The following CBFB variants were observed in gnomAD, a reference collection of about 807,000 sequenced individuals.
CBFB encodes the protein CBF-beta.
A neutral mutation model predicts 30.4 loss-of-function variants in CBFB; 9 were observed. That is an observed-to-expected ratio of 0.30 (90% CI 0.18 to 0.52). The LOEUF (loss-of-function observed/expected upper bound fraction) is 0.52, where lower values mean the gene tolerates loss of function less well. Ranked by LOEUF, CBFB falls within the 20% of genes least tolerant of loss-of-function variation. The probability of loss-of-function intolerance (pLI) is 0.97; values close to 1 mark genes in which losing one functional copy is unlikely to be tolerated. For synonymous variants in CBFB, 94 were observed against 84.0 expected (o/e 1.12, Z -0.65); for missense variants, 170 against 244.0 (o/e 0.70, Z 2.02).
At chr16:67,029,879 G>T (rs1487037651) in intron 2 of CBFB, 66 bp downstream of exon 2, 3 of 1,103,116 alleles carry the variant, frequency 2.7e-6, no homozygotes, top group African/African-American at 1.7e-5. Flanking sequence ...GCCCAGGCCG[G>T]TTCCGGACGG....
intron 3 of CBFB, among the ~76,000 whole-genome samples, chr16:67,043,418 G>A (rs183476328): frequency 1.4e-3 from 206 of 152,194 alleles, no homozygotes; most frequent in Non-Finnish European, 2.4e-3. Flanking sequence ...TCAAATCAAG[G>A]GCTTCTATAA....
chr16:67,040,372 T>C (rs1966510057), intron 3 of CBFB, among the ~76,000 whole-genome samples: 1 of 152,248 alleles, frequency 6.6e-6, no homozygotes, highest in African/African-American at 2.4e-5. Context: ...TGAGGAACTA[T>C]AGTTGTAAAG....
At chr16:67,093,126 T>G (rs544216041) in intron 5 of CBFB, among the ~76,000 whole-genome samples, 102 of 152,154 alleles carry the variant, frequency 6.7e-4, no homozygotes, top group African/African-American at 2.3e-3. Flanking sequence ...TTAAAAATTT[T>G]TTGTAGGGGC....
chr16:67,056,851 T>C (rs1403739698), intron 3 of CBFB, among the ~76,000 whole-genome samples: 1 of 152,174 alleles, frequency 6.6e-6, no homozygotes, highest in Non-Finnish European at 1.5e-5. Context: ...CCAGCTAATT[T>C]TTGTATTTTT....
At chr16:67,089,526 A>G (rs746485676) in intron 5 of CBFB, among the ~76,000 whole-genome samples, 18 of 152,210 alleles carry the variant, frequency 1.2e-4, no homozygotes, top group Non-Finnish European at 2.2e-4. Context: ...AGACCTTGCT[A>G]TCTCTATTCT....
rs1453792154 is a variant in CBFB at position 67,055,183 on chromosome 16, A to G, written c.283-11499A>G. Among the ~76,000 whole-genome samples, 3 of 151,952 alleles carry G rather than the reference A, an allele frequency of 2.0e-5. No individual in the cohort carries two copies. In the East Asian group the frequency reaches 5.8e-4, roughly 29 times the overall value. ...AAAAATACAGTGAAACCAAATTAAA[A>G]TAATTATGTGGAGAGCATATTGGTG... On this transcript the variant is annotated intron_variant, in intron 3 of 5. Transcript: ENST00000412916.
At chr16:67,053,979 GA>G (rs1398987778) in intron 3 of CBFB, among the ~76,000 whole-genome samples, 1 of 151,868 alleles carries the variant, frequency 6.6e-6, no homozygotes. Flanking sequence ...CAGCAGTGGG[GA>G]AGGCTTATAT....
intron 3 of CBFB, among the ~76,000 whole-genome samples, chr16:67,040,767 C>G (rs1041798437): frequency 1.3e-5 from 2 of 152,222 alleles, no homozygotes; most frequent in South Asian, 4.1e-4. Flanking sequence ...TAAAGATGAT[C>G]AATGAACAGG....
intron 3 of CBFB, among the ~76,000 whole-genome samples, chr16:67,063,855 G>T (rs1318593936): frequency 6.6e-6 from 1 of 152,092 alleles, no homozygotes; most frequent in African/African-American, 2.4e-5. Flanking sequence ...AAGAATCCAA[G>T]AGTCTGAAGA....
At chr16:67,080,065 C>T (rs1961512398) in intron 4 of CBFB, among the ~76,000 whole-genome samples, 1 of 152,158 alleles carries the variant, frequency 6.6e-6, no homozygotes. Context: ...GTACTCCAGC[C>T]TGGGCAACAG....
chr16:67,031,022 A>G (rs886193432), intron 2 of CBFB, among the ~76,000 whole-genome samples: 1 of 152,214 alleles, frequency 6.6e-6, no homozygotes, highest in Non-Finnish European at 1.5e-5. Context: ...AACAGTAGGA[A>G]GACATTGGAA....
At chr16:67,055,357 CTTTTTTTTTTTTTTT>C (rs1163773529) in intron 3 of CBFB, among the ~76,000 whole-genome samples, 3 of 81,474 alleles carry the variant, frequency 3.7e-5, no homozygotes, top group Non-Finnish European at 7.3e-5. Context: ...CAGACACTTT[CTTTTTTTTTTTTTTT>C]TTTTTTTTTT....
At chr16:67,095,930 G>T (rs969082189) in intron 5 of CBFB, among the ~76,000 whole-genome samples, 54 of 151,908 alleles carry the variant, frequency 3.6e-4, no homozygotes, top group Admixed American at 5.9e-4. Flanking sequence ...GACCTCAGGT[G>T]ATCCGCCCAC....
At chr16:67,082,129 GAAAAA>G in intron 4 of CBFB, 79 bp from the exon 5 acceptor site, 19 of 864,510 alleles carry the variant, frequency 2.2e-5, no homozygotes, top group Admixed American at 4.0e-5. Flanking sequence ...ACTGTTTCAG[GAAAAA>G]AAAAAAAAAA....
intron 3 of CBFB, among the ~76,000 whole-genome samples, chr16:67,055,709 A>G (rs1473138658): frequency 2.6e-5 from 4 of 152,112 alleles, no homozygotes; most frequent in Admixed American, 1.3e-4. Flanking sequence ...GGACTGTAAG[A>G]TGATCGGTAA....
intron 3 of CBFB, among the ~76,000 whole-genome samples, chr16:67,066,284 A>G (rs1961050116): frequency 6.6e-6 from 1 of 151,526 alleles, no homozygotes; most frequent in Non-Finnish European, 1.5e-5. Context: ...ATGGTAGCTC[A>G]CGCCTGTAAT....
intron 3 of CBFB, among the ~76,000 whole-genome samples, chr16:67,048,051 A>G (rs1214380986): frequency 6.6e-6 from 1 of 152,060 alleles, no homozygotes; most frequent in Non-Finnish European, 1.5e-5. Context: ...CCTGGGAACA[A>G]AATTCCATCT....
intron 3 of CBFB, among the ~76,000 whole-genome samples, chr16:67,038,033 C>G (rs563639241): frequency 6.6e-6 from 1 of 151,896 alleles, no homozygotes; most frequent in East Asian, 1.9e-4. Context: ...AAGGAGTTGA[C>G]TTCTAGAATA....
intron 2 of CBFB, among the ~76,000 whole-genome samples, chr16:67,033,848 G>A (rs1188565471): frequency 1.5e-5 from 2 of 132,360 alleles, no homozygotes; most frequent in African/African-American, 3.0e-5. Flanking sequence ...TTGAGACGGC[G>A]TCTTGCACTG....
Sources: allele counts gnomAD v4.1 joint callset (sites outside exome capture counted in the v4.1 genomes callset), GRCh38; gene constraint gnomAD v4.1.1; transcripts MANE v1.5; gene names NCBI Gene and HGNC (gene_info 2026-07-23, HGNC 2026-07-21).